Variants in PLEKHG5 observed in about 807,000 individuals in gnomAD.
The protein encoded by PLEKHG5 is pleckstrin homology and RhoGEF domain containing G5, also known as pleckstrin homology domain-containing family G member 5.
A neutral mutation model predicts 103.8 loss-of-function variants in PLEKHG5; 52 were observed. The ratio of observed to expected loss-of-function variants is 0.50; its 90% CI spans 0.40 to 0.63. The LOEUF (loss-of-function observed/expected upper bound fraction) is 0.63, where lower values mean the gene tolerates loss of function less well. Among genes scored for constraint, PLEKHG5 ranks in the 30% least tolerant of loss-of-function variants. PLEKHG5 has a pLI of 0.00. For missense variants in PLEKHG5, 1,205 were observed against 1,347.6 expected, an observed-to-expected ratio of 0.89 and a Z score of 1.66; for synonymous variants, 592 against 575.5, an observed-to-expected ratio of 1.03 and a Z score of -0.41.
At chr1:6,481,034 C>G (rs1644884295) in intron 1 of PLEKHG5, among the ~76,000 whole-genome samples, 1 of 152,172 alleles carries the variant, frequency 6.6e-6, no homozygotes, top group Non-Finnish European at 1.5e-5. Context: ...GTATCTGTGG[C>G]CTCAACCCAG....
upstream of PLEKHG5, among the ~76,000 whole-genome samples, chr1:6,499,974 A>AT (rs1645277649): frequency 1.3e-5 from 2 of 151,812 alleles, no homozygotes; most frequent in Non-Finnish European, 2.9e-5. Flanking sequence ...TAACTTTTTA[A>AT]TTTTTTTATA....
upstream of PLEKHG5, among the ~76,000 whole-genome samples, chr1:6,501,356 A>G (rs1645295212): frequency 6.6e-6 from 1 of 152,056 alleles, no homozygotes; most frequent in South Asian, 2.1e-4. The surrounding 1 kb of genome is among the most constrained non-coding windows in gnomAD (Gnocchi z 4.3). Flanking sequence ...CCCACTCTTC[A>G]AGGCCCAGAT....
chr1:6,516,601 G>A (rs1192007247), intron 1 of PLEKHG5, among the ~76,000 whole-genome samples: 1 of 150,084 alleles, frequency 6.7e-6, no homozygotes, highest in Non-Finnish European at 1.5e-5. Flanking sequence ...GGGTTGCAGT[G>A]AGCCGAGATC....
Position 6,472,539 on chromosome 1 carries a change from C to T in PLEKHG5, c.1068G>A (p.Arg356=), listed in dbSNP as rs1272202008. The part of the protein sequence containing the change: ...HTEASYIRKL[R]VIINLFLCCL... ...AGCCCCTACTCACGTTGATGATCAC[C>T]CGCAGTTTCCTGATGTAGGAGGCCT... The change falls in exon 10 of 21, where the codon CGG becomes CGA. Residue 356 remains arginine, a synonymous_variant. Transcript: ENST00000377728. The T allele has an allele frequency of 3.1e-6, 5 of 1,612,144 alleles. No homozygotes were observed. Among genetic ancestry groups the T allele is most frequent in the Non-Finnish European group, 3.4e-6 (4 of 1,178,572 alleles).
intron 1 of PLEKHG5, among the ~76,000 whole-genome samples, chr1:6,507,188 C>T (rs145330004): frequency 7.9e-5 from 12 of 152,354 alleles, no homozygotes; most frequent in African/African-American, 2.6e-4. Context: ...ACGGTATCCA[C>T]GTGACCTGTG....
chr1:6,489,150 C>A (rs1035442311), intron 1 of PLEKHG5, among the ~76,000 whole-genome samples: 2 of 152,202 alleles, frequency 1.3e-5, no homozygotes, highest in African/African-American at 4.8e-5. Flanking sequence ...GAATTCCCAC[C>A]AAGGCTAAGC....
At chr1:6,494,148 T>C (rs1209072911), upstream of PLEKHG5, among the ~76,000 whole-genome samples, 10 of 116,446 alleles carry the variant, frequency 8.6e-5, no homozygotes, top group East Asian at 2.6e-3. Context: ...TTTTTTTTTT[T>C]AGACGGAGTC....
chr1:6,507,914 G>T lies in PLEKHG5; in HGVS notation c.-164-11345C>A, dbSNP rs1638368413. On this transcript the variant is annotated intron_variant, in intron 1 of 21. Coordinates refer to the PLEKHG5 transcript ENST00000377740. ...GCAAGTGGCCTGCCTGGGGGTGTCA[G>T]ACTGAGGCTTAGGGAATAGGACCAT... Among the ~76,000 whole-genome samples the T allele has an allele frequency of 2.0e-5, 3 of 152,208 alleles. No homozygotes were observed. The South Asian group carries it at 6.2e-4, about 31-fold the overall frequency.
chr1:6,514,096 G>C (rs1249477517), intron 1 of PLEKHG5, among the ~76,000 whole-genome samples: 3 of 152,294 alleles, frequency 2.0e-5, no homozygotes, highest in South Asian at 2.1e-4. Flanking sequence ...GCTGAGGCAG[G>C]AGGACTCCTT....
Position 6,474,279 on chromosome 1 carries a change from C to G in PLEKHG5, c.440-115G>C, listed in dbSNP as rs530219416. 1.8e-4 allele frequency: 247 copies of G among 1,371,384 alleles called. 1 individual carries two copies. The African/African-American group carries it at 3.3e-3, about 18-fold the overall frequency. 85.0% of individuals were successfully genotyped at this position (1,371,384 alleles called of 1,614,324 possible). Reference sequence around the variant, plus strand: ...AGGCCTGCCTGCCCTCCCCCGACAGCCCCGCCCTGCCAGCACCCTCCCCTC... The same window carrying G: ...AGGCCTGCCTGCCCTCCCCCGACAGGCCCGCCCTGCCAGCACCCTCCCCTC... On this transcript the variant is annotated intron_variant, in intron 6 of 20. Coordinates refer to ENST00000377728, the MANE Select transcript of PLEKHG5 (RefSeq NM_020631.6).
Position 6,468,068 on chromosome 1 carries a change from G to A in PLEKHG5, c.2768C>T (p.Ala923Val). The A allele has an allele frequency of 6.3e-7, 1 of 1,577,516 alleles. No individual in the cohort carries two copies. Among genetic ancestry groups the A allele is most frequent in the Admixed American group, 1.8e-5 (1 of 55,360 alleles). ...GIRTQGSPQE[A>V]GPSWDCRGAP... ...CCCTCGGCAATCCCAGCTGGGCCCA[G>A]CTTCCTGAGGGGAGCCCTGAGTCCT... The change falls in exon 20 of 21, where the codon GCT becomes GTT. Residue 923 changes from alanine (A) to valine (V), a missense_variant. Transcript: ENST00000377728.
At position 6,481,524 on chromosome 1, in the gene PLEKHG5, AAAATAAATAAATAAATAAATAAAT is replaced by A. The variant is rs199883420; in HGVS notation, c.-87-3890_-87-3867del. 2.1e-5 allele frequency among the ~76,000 whole-genome samples: 3 copies of A among 144,216 alleles called. No individual in the cohort carries two copies. The East Asian group carries it at 6.3e-4, about 30-fold the overall frequency. 94.6% of individuals were successfully genotyped at this position (144,216 alleles called of 152,430 possible). On this transcript the variant is annotated intron_variant, in intron 1 of 20. Transcript: ENST00000377728. ...CCAGCCTGGGGCAAAACTCCGTCTC[AAAATAAATAAATAAATAAATAAAT>A]AAATAAATAAATAAATATATAAGTA...
rs963906896 is a variant in PLEKHG5 at position 6,469,437 on chromosome 1, A to G, written c.1947T>C (p.Leu649=). ...CACTGTGAAACTCATTCAGGTAGAT[A>G]AGGAGGAAGGACCCTGGTTAGGGAA... is the stretch of plus-strand genomic sequence containing the variant. ...RELRDPGSFL[L]IYLNEFHSAV... is the part of the protein sequence containing the mutation. The change falls in exon 18 of 21, where the codon CTT becomes CTC. Residue 649 remains leucine (L), a synonymous_variant. Transcript: ENST00000377728. 1 of 1,614,044 alleles carries G rather than the reference A, an allele frequency of 6.2e-7. No homozygotes were observed. Among genetic ancestry groups the G allele is most frequent in the Non-Finnish European group, 8.5e-7 (1 of 1,180,008 alleles).
Position 6,473,088 on chromosome 1 carries a change from G to A in PLEKHG5, c.882C>T (p.Phe294=), listed in dbSNP as rs370572859. 227 of 1,613,958 alleles carry A rather than the reference G, an allele frequency of 1.4e-4. No homozygotes were observed. The highest frequency in any genetic ancestry group is 1.7e-4 in the Non-Finnish European group (204 of 1,179,932). Residue 294 remains phenylalanine, a synonymous_variant, in exon 9 of 21, where the codon TTC becomes TTT. Coordinates refer to ENST00000377728, the MANE Select transcript of PLEKHG5 (RefSeq NM_020631.6). The part of the protein sequence containing the change: ...GLPRLPRGLR[F]DHDSWEEEYD... The stretch of plus-strand genomic sequence containing the variant: ...ACTCCTCCTCCCAGGAGTCATGGTC[G>A]AAGCGCAGCCCCCGGGGCAGCCTGG...
chr1:6,470,742 A>T lies in PLEKHG5; in HGVS notation c.1535T>A (p.Val512Asp), dbSNP rs548243654. Residue 512 changes from valine (V) to aspartate (D), a missense_variant, in exon 14 of 21, where the codon GTC becomes GAC. Physicochemically the swap from Val to Asp is radical, Grantham distance 152. Transcript: ENST00000377728. ...GCTGGCCATCAGGGTTACCATGGCG[A>T]CGACGGCCTCCTTGGCGCGCGGCTC... Reference protein sequence around the residue: ...TEEPRAKEAVVAMIGSVERFI... With the variant: ...TEEPRAKEAVDAMIGSVERFI... 106 of 1,558,752 alleles carry T rather than the reference A, an allele frequency of 6.8e-5. 1 individual carries two copies. In the South Asian group the frequency reaches 1.1e-3, roughly 16 times the overall value.
chr1:6,497,344 C>CG (rs1391686429), upstream of PLEKHG5: 31 of 1,034,696 alleles, frequency 3.0e-5, no homozygotes, highest in South Asian at 4.9e-5. The surrounding 1 kb of genome is among the most constrained non-coding windows in gnomAD (Gnocchi z 6.1). Flanking sequence ...CCGTGCCGCG[C>CG]GGGGGGCGGG....
chr1:6,468,034 G>A lies in PLEKHG5; in HGVS notation c.2802C>T (p.Ser934=), dbSNP rs886042289. The A allele has an allele frequency of 1.3e-6, 2 of 1,556,646 alleles. No individual in the cohort carries two copies. Among genetic ancestry groups the A allele is most frequent in the East Asian group, 2.4e-5 (1 of 42,378 alleles). ...GPSWDCRGAP[S]PGSGPGLVGC... ...CGACTAGCCCAGGACCGCTGCCAGGGCTAGGGGCCCCTCGGCAATCCCAGC... is the reference window on the plus strand; with the variant it reads ...CGACTAGCCCAGGACCGCTGCCAGGACTAGGGGCCCCTCGGCAATCCCAGC... The change falls in exon 20 of 21, where the codon AGC becomes AGT. Residue 934 remains serine, a synonymous_variant. Coordinates refer to ENST00000377728, the MANE Select transcript of PLEKHG5 (RefSeq NM_020631.6).
At chr1:6,506,791 C>T (rs912845906) in intron 1 of PLEKHG5, among the ~76,000 whole-genome samples, 4 of 152,208 alleles carry the variant, frequency 2.6e-5, no homozygotes, top group Non-Finnish European at 4.4e-5. Context: ...CAGGCCTCAC[C>T]CTCAGCCTGC....
At chr1:6,513,662 T>C (rs1351344863) in intron 1 of PLEKHG5, among the ~76,000 whole-genome samples, 1 of 152,196 alleles carries the variant, frequency 6.6e-6, no homozygotes, top group Non-Finnish European at 1.5e-5. Flanking sequence ...CAAAGGCTCC[T>C]GGGCCGGGCT....
Sources: gnomAD v4.1 joint callset for allele counts (sites outside exome capture counted in the v4.1 genomes callset) on GRCh38, gnomAD v4.1.1 for gene constraint, Gnocchi (gnomAD v3.1) non-coding constraint, MANE v1.5 for transcripts, NCBI Gene and HGNC (gene_info 2026-07-23, HGNC 2026-07-21) for gene names.